Variants in PBRM1 observed in about 807,000 individuals in gnomAD.
PBRM1 encodes protein polybromo-1.
PBRM1 carries 27 observed loss-of-function variants against 194.5 expected under a neutral mutation model. The observed-to-expected ratio is 0.14, with a 90% confidence interval of 0.10 to 0.19. The LOEUF (loss-of-function observed/expected upper bound fraction) is 0.19. PBRM1 is among the 10% of genes least tolerant of loss of function. The probability of loss-of-function intolerance (pLI) is 1.00; values close to 1 mark genes in which losing one functional copy is unlikely to be tolerated. For missense variants in PBRM1, 1,466 were observed against 2,077.2 expected (o/e 0.71, Z 5.72); for synonymous variants, 655 against 693.2 (o/e 0.94, Z 0.87).
chr3:52,564,074 A>G (rs753982008), exon 23 of PBRM1: 11 of 1,609,134 alleles, frequency 6.8e-6, no homozygotes, highest in Non-Finnish European at 9.3e-6. Context: ...TTCATCATCT[A>G]CCACTTTAGC....
chr3:52,653,550 T>C (rs7612511), intron 5 of PBRM1, among the ~76,000 whole-genome samples: 68,005 of 144,348 alleles, frequency 0.47, 16,095 homozygotes, highest in South Asian at 0.72. Context: ...GATTGCTCCA[T>C]TGCACTCCAG....
chr3:52,616,223 A>G (rs752340273), intron 14 of PBRM1, among the ~76,000 whole-genome samples: 1 of 152,234 alleles, frequency 6.6e-6, no homozygotes, highest in Non-Finnish European at 1.5e-5. Flanking sequence ...TTTTTTATCT[A>G]TAAGCATCCT....
At chr3:52,580,271 T>C (rs1183869940) in intron 20 of PBRM1, among the ~76,000 whole-genome samples, 1 of 152,074 alleles carries the variant, frequency 6.6e-6, no homozygotes, top group African/African-American at 2.4e-5. Flanking sequence ...AAAAAACAAC[T>C]GATAGATCTA....
At chr3:52,591,725 G>C (rs2093074689) in intron 17 of PBRM1, among the ~76,000 whole-genome samples, 1 of 149,882 alleles carries the variant, frequency 6.7e-6, no homozygotes, top group Admixed American at 6.7e-5. Flanking sequence ...TCACCATCTT[G>C]GCCAGGCTGG....
At chr3:52,612,695 GGAGATC>G (rs1379540258) in intron 15 of PBRM1, among the ~76,000 whole-genome samples, 4 of 152,094 alleles carry the variant, frequency 2.6e-5, no homozygotes, top group African/African-American at 9.7e-5. Context: ...CTTGAGGTCA[GGAGATC>G]GAGACCAGTC....
At chr3:52,605,506 G>A (rs1411591609) in intron 16 of PBRM1, among the ~76,000 whole-genome samples, 2 of 152,100 alleles carry the variant, frequency 1.3e-5, no homozygotes, top group Non-Finnish European at 2.9e-5. Flanking sequence ...TCAAACTTCA[G>A]AGAGGTCCCC....
At chr3:52,612,303 T>G (rs576338306) in intron 15 of PBRM1, among the ~76,000 whole-genome samples, 2 of 135,708 alleles carry the variant, frequency 1.5e-5, no homozygotes, top group Admixed American at 1.6e-4. Flanking sequence ...TCAGTTGCAG[T>G]ATGTGGACTT....
intron 11 of PBRM1, among the ~76,000 whole-genome samples, chr3:52,630,095 G>A (rs2095568544): frequency 6.6e-6 from 1 of 152,030 alleles, no homozygotes; most frequent in Admixed American, 6.6e-5. Context: ...AAGGGTAGAG[G>A]GCTAGATGTT....
chr3:52,666,890 CAAA>C (rs34218707), intron 3 of PBRM1, among the ~76,000 whole-genome samples: 10 of 120,786 alleles, frequency 8.3e-5, no homozygotes, highest in Non-Finnish European at 8.8e-5. Flanking sequence ...GATCGTGTCT[CAAA>C]AAAAAAAAAA....
chr3:52,573,062 A>G (rs1414465912), intron 22 of PBRM1, among the ~76,000 whole-genome samples: 2 of 152,140 alleles, frequency 1.3e-5, no homozygotes, highest in East Asian at 1.9e-4. Flanking sequence ...GTCCTACCTG[A>G]TATTACTGGC....
chr3:52,677,161 A>T (rs1343406369), intron 2 of PBRM1, among the ~76,000 whole-genome samples: 2 of 152,216 alleles, frequency 1.3e-5, no homozygotes, highest in Non-Finnish European at 2.9e-5. Flanking sequence ...TTTCATGGAT[A>T]TGACACCAAA....
chr3:52,604,245 A>G (rs1156832985), intron 16 of PBRM1, among the ~76,000 whole-genome samples: 2 of 152,242 alleles, frequency 1.3e-5, no homozygotes, highest in African/African-American at 2.4e-5. Flanking sequence ...CAAAGCCATG[A>G]AAGTATTCTA....
At chr3:52,640,645 C>T (rs1302144786) in intron 10 of PBRM1, among the ~76,000 whole-genome samples, 2 of 148,566 alleles carry the variant, frequency 1.3e-5, no homozygotes, top group African/African-American at 5.0e-5. Context: ...CATATAACCT[C>T]TTTTTCTTCC....
At chr3:52,565,001 C>T (rs192405250) in intron 22 of PBRM1, among the ~76,000 whole-genome samples, 2 of 151,902 alleles carry the variant, frequency 1.3e-5, no homozygotes, top group Non-Finnish European at 2.9e-5. Flanking sequence ...AGATCGAGAC[C>T]GTCCTTGGCC....
intron 5 of PBRM1, among the ~76,000 whole-genome samples, chr3:52,655,663 A>G (rs1000607044): frequency 6.6e-6 from 1 of 152,070 alleles, no homozygotes; most frequent in Non-Finnish European, 1.5e-5. Flanking sequence ...CCTTTTCTTA[A>G]AGTTTTAAGT....
At chr3:52,648,253 A>G in intron 7 of PBRM1, 91 bp downstream of exon 8, 1 of 740,720 alleles carries the variant, frequency 1.4e-6, no homozygotes, top group African/African-American at 1.8e-5. Flanking sequence ...TGTGAATTAT[A>G]TCTCAATAAA....
chr3:52,609,194 A>G lies in PBRM1; in HGVS notation c.2567+119T>C, dbSNP rs1233521717. The G allele has an allele frequency of 1.3e-6, 1 of 785,202 alleles. No individual in the cohort carries two copies. Among genetic ancestry groups the G allele is most frequent in the Non-Finnish European group, 2.0e-6 (1 of 492,622 alleles). The allele number at this position is 785,202 out of a possible 1,614,324, so 48.6% of individuals were successfully genotyped here. A position where few individuals can be genotyped will look rare whatever the true frequency, so the allele number is the denominator to read the frequency against. Reference sequence around the variant, plus strand: ...CTGGCTGATTAGAATTCAGAATAGCATGCTACCAACTACAAATCATGTATG... The same window carrying G: ...CTGGCTGATTAGAATTCAGAATAGCGTGCTACCAACTACAAATCATGTATG... On this transcript the variant is annotated intron_variant, in intron 16 of 29. Transcript: ENST00000296302. This position sits in a 1 kb window ranked among gnomAD's most constrained non-coding sequence, Gnocchi z 4.1.
intron 21 of PBRM1, among the ~76,000 whole-genome samples, chr3:52,578,031 G>A (rs899316119): frequency 1.3e-5 from 2 of 152,022 alleles, no homozygotes; most frequent in Admixed American, 1.3e-4. Context: ...AACAGGCCTG[G>A]CATGTTTCTC....
intron 7 of PBRM1, among the ~76,000 whole-genome samples, chr3:52,647,587 A>G (rs1279591109): frequency 1.7e-4 from 26 of 151,272 alleles, no homozygotes. Flanking sequence ...ATATCTATCA[A>G]CTGATGAATG....
Sources: gnomAD v4.1 joint callset for allele counts (sites outside exome capture counted in the v4.1 genomes callset) on GRCh38, gnomAD v4.1.1 for gene constraint, Gnocchi (gnomAD v3.1) non-coding constraint, MANE v1.5 for transcripts, NCBI Gene and HGNC (gene_info 2026-07-23, HGNC 2026-07-21) for gene names.